The following ACOX3 variants were observed in gnomAD, a reference collection of about 807,000 sequenced individuals.
ACOX3 encodes the protein peroxisomal acyl-coenzyme A oxidase 3.
Under a neutral mutation model 81.5 loss-of-function variants are expected in ACOX3, and 73 were observed. The ratio of observed to expected loss-of-function variants is 0.90; its 90% CI spans 0.74 to 1.09. ACOX3 has a LOEUF of 1.09. Among genes scored for constraint, ACOX3 ranks in the 50% least tolerant of loss-of-function variants. The pLI is 0.00. For missense variants in ACOX3, 947 were observed against 928.0 expected, an observed-to-expected ratio of 1.02 and a Z score of -0.27; for synonymous variants, 387 against 375.1, an observed-to-expected ratio of 1.03 and a Z score of -0.37.
rs1348228211 is a variant in ACOX3 at position 8,436,819 on chromosome 4, T to TA, written c.-15+3828dup. Among the ~76,000 whole-genome samples, 498 of 136,136 alleles carry TA rather than the reference T, an allele frequency of 3.7e-3. 1 individual carries two copies. Among genetic ancestry groups the TA allele is most frequent in the Middle Eastern group, 7.6e-3 (2 of 262 alleles). 89.3% of individuals were successfully genotyped at this position (136,136 alleles called of 152,430 possible). On this transcript the variant is annotated intron_variant, in intron 1 of 17. Coordinates refer to ENST00000356406, the MANE Select transcript of ACOX3 (RefSeq NM_003501.3). ...TAACATGGTGAAACCCTGTCTCTAC[T>TA]AAAAAAAAAAAAACACAAAAAAATT...
chr4:8,399,215 C>T lies in ACOX3; in HGVS notation c.873+341G>A, dbSNP rs541286115. Reference sequence around the variant, plus strand: ...CTGGACACCGGGGAACTCTGTTTGTCGTCCCCCTTTGTGGACAGTTCGCCA... The same window carrying T: ...CTGGACACCGGGGAACTCTGTTTGTTGTCCCCCTTTGTGGACAGTTCGCCA... On this transcript the variant is annotated intron_variant, in intron 8 of 17. Transcript: ENST00000356406. This position sits in a 1 kb window ranked among gnomAD's most constrained non-coding sequence, Gnocchi z 4.9. Among the ~76,000 whole-genome samples the T allele has an allele frequency of 1.3e-3, 197 of 152,274 alleles. No homozygotes were observed. The highest frequency in any genetic ancestry group is 4.5e-3 in the African/African-American group (187 of 41,564).
intron 9 of ACOX3, among the ~76,000 whole-genome samples, chr4:8,395,181 T>G (rs1382273168): frequency 7.2e-6 from 1 of 138,296 alleles, no homozygotes; most frequent in Non-Finnish European, 1.5e-5. Context: ...TGGCAGCCCC[T>G]CGAAAGGCTG....
At chr4:8,367,720 T>C (rs1226202608) in intron 17 of ACOX3, among the ~76,000 whole-genome samples, 1 of 137,270 alleles carries the variant, frequency 7.3e-6, no homozygotes, top group Non-Finnish European at 1.5e-5. Flanking sequence ...CTGTAATCCC[T>C]GCACTCTGGG....
chr4:8,356,643 G>A, the ACOX3 span: 9 of 455,950 alleles, frequency 2.0e-5, no homozygotes, highest in African/African-American at 1.6e-4. Context: ...GGAAGAAAGT[G>A]TGCAGAATGG....
In ACOX3 at chr4:8,389,708, C is replaced by A; in HGVS notation, c.1327G>T (p.Asp443Tyr). The A allele has an allele frequency of 6.2e-7, 1 of 1,614,022 alleles. No homozygotes were observed. Among genetic ancestry groups the A allele is most frequent in the South Asian group, 1.1e-5 (1 of 91,060 alleles). Residue 443 changes from aspartate to tyrosine, a missense_variant, in exon 12 of 18, where the codon GAC (aspartate) becomes TAC (tyrosine). Transcript: ENST00000356406. The surrounding 1 kb of genome is among the most constrained non-coding windows in gnomAD (Gnocchi z 5.3). ...TCGTATGTGCAGTTGGGATCGTTGT[C>A]ATCTCTAAGGACACCCAACCGGTTC... ...AMNRLGVLRD[D>Y]NDPNCTYEGD...
rs1347305910 is a variant in ACOX3, at chr4:8,407,375, G to A, written c.688-1332C>T. On this transcript the variant is annotated intron_variant, in intron 6 of 17. Transcript: ENST00000356406. This position sits in a 1 kb window ranked among gnomAD's most constrained non-coding sequence, Gnocchi z 4.6. ...GCTCGTGTCCTCAGTCTCTTGCCTC[G>A]GCACCTGGGTGGCTTGCCGCCCACA... Among the ~76,000 whole-genome samples the A allele has an allele frequency of 6.6e-6, 1 of 151,896 alleles. No homozygotes were observed. Among genetic ancestry groups the A allele is most frequent in the Non-Finnish European group, 1.5e-5 (1 of 67,974 alleles).
chr4:8,398,960 C>G (rs547422908), intron 8 of ACOX3, among the ~76,000 whole-genome samples: 1 of 152,286 alleles, frequency 6.6e-6, no homozygotes, highest in African/African-American at 2.4e-5. Flanking sequence ...TCCCACTCTG[C>G]GCACCCTGTG....
chr4:8,383,556 G>A (rs1430871575), intron 13 of ACOX3, among the ~76,000 whole-genome samples: 2 of 152,190 alleles, frequency 1.3e-5, no homozygotes, highest in African/African-American at 2.4e-5. Context: ...GAGCCTGGGC[G>A]GGAAAAGCCC....
rs772897612 is a variant in ACOX3 at position 8,381,616 on chromosome 4, T to A, written c.1538-9A>T. 5 of 1,598,034 alleles carry A rather than the reference T, an allele frequency of 3.1e-6. No homozygotes were observed. Among genetic ancestry groups the A allele is most frequent in the African/African-American group, 1.3e-5 (1 of 74,634 alleles). On this transcript the variant is annotated splice_polypyrimidine_tract_variant and intron_variant, in intron 13 of 17. Transcript: ENST00000356406. The surrounding 1 kb of genome is among the most constrained non-coding windows in gnomAD (Gnocchi z 4.3). Reference sequence around the variant, plus strand: ...GTATGCTGCCAGGGCGACTTCGGAATGACAAACAGAAGGAGAAAAAGTAAC... The same window carrying A: ...GTATGCTGCCAGGGCGACTTCGGAAAGACAAACAGAAGGAGAAAAAGTAAC...
intron 7 of ACOX3, among the ~76,000 whole-genome samples, chr4:8,402,006 G>A (rs1720425033): frequency 6.6e-6 from 1 of 152,248 alleles, no homozygotes; most frequent in Non-Finnish European, 1.5e-5. Flanking sequence ...CCTCCATGAG[G>A]GGGCCACCGT....
rs1033154081 is a variant in ACOX3, at chr4:8,407,619, G to A, written c.688-1576C>T. On this transcript the variant is annotated intron_variant, in intron 6 of 17. Transcript: ENST00000356406. This position sits in a 1 kb window ranked among gnomAD's most constrained non-coding sequence, Gnocchi z 4.6. ...CGGGGGCCGGTGCTGCCGGGAGGAC[G>A]TCGGGAATTTCATATTCACGTTTTA... Among the ~76,000 whole-genome samples, 2 of 152,220 alleles carry A rather than the reference G, an allele frequency of 1.3e-5. No individual in the cohort carries two copies. The highest frequency in any genetic ancestry group is 2.1e-4 in the South Asian group (1 of 4,836).
At position 8,368,436 on chromosome 4, in the gene ACOX3, T is replaced by G. The variant is rs1458000295; in HGVS notation, c.1984-1356A>C. On this transcript the variant is annotated intron_variant, in intron 17 of 17. Transcript: ENST00000356406. The surrounding 1 kb of genome is among the most constrained non-coding windows in gnomAD (Gnocchi z 5.9). ...CAGGGCCTGGGGAGGTGGTCTATTG[T>G]GTATCCAGCTTACGCTGACCCATTT... Among the ~76,000 whole-genome samples, 3 of 152,232 alleles carry G rather than the reference T, an allele frequency of 2.0e-5. No homozygotes were observed. In the East Asian group the frequency reaches 5.8e-4, roughly 29 times the overall value.
chr4:8,393,005 C>T (rs935027777), intron 10 of ACOX3: 1 of 152,146 alleles, frequency 6.6e-6, no homozygotes, highest in Non-Finnish European at 1.5e-5. Context: ...TTTATTGAGA[C>T]TCCTTTGCTG....
chr4:8,381,256 G>A lies in ACOX3; in HGVS notation c.1653+236C>T, dbSNP rs181358317. On this transcript the variant is annotated intron_variant, in intron 14 of 17. Coordinates refer to ENST00000356406, the MANE Select transcript of ACOX3 (RefSeq NM_003501.3). This position sits in a 1 kb window ranked among gnomAD's most constrained non-coding sequence, Gnocchi z 4.3. The stretch of plus-strand genomic sequence containing the variant: ...CGCTCTGGTTTACGGGCTGGGAACC[G>A]TCAGGCACGGTAAATGTAACATCCA... 1.7e-3 allele frequency among the ~76,000 whole-genome samples: 260 copies of A among 152,242 alleles called. 1 individual carries two copies. Among genetic ancestry groups the A allele is most frequent in the Middle Eastern group, 3.4e-3 (1 of 294 alleles).
At chr4:8,393,170 G>A (rs1447488876) in intron 10 of ACOX3, 1 of 150,978 alleles carries the variant, frequency 6.6e-6, no homozygotes, top group Non-Finnish European at 1.5e-5. Flanking sequence ...CTTTGCTTCT[G>A]CTTGATATCT....
At position 8,431,177 on chromosome 4, in the gene ACOX3, C is replaced by G. The variant is rs1204118886; in HGVS notation, c.-15+9471G>C. On this transcript the variant is annotated intron_variant, in intron 1 of 17. Transcript: ENST00000356406. The surrounding 1 kb of genome is among the most constrained non-coding windows in gnomAD (Gnocchi z 5.3). ...AGGTCCTCAGGCTCCCCTCCCTTCT[C>G]TGCCTGTCCCTTTTCACCCTCCTCT... 6.6e-6 allele frequency among the ~76,000 whole-genome samples: 1 copy of G among 152,196 alleles called. No homozygotes were observed. The highest frequency in any genetic ancestry group is 2.4e-5 in the African/African-American group (1 of 41,442).
chr4:8,420,637 G>C (rs1722836209), intron 1 of ACOX3, among the ~76,000 whole-genome samples: 1 of 152,154 alleles, frequency 6.6e-6, no homozygotes, highest in African/African-American at 2.4e-5. Context: ...ACGCCCTTTG[G>C]GTACCCCCCC....
At chr4:8,373,437 T>A in intron 16 of ACOX3, 124 bp downstream of exon 16, 1 of 955,636 alleles carries the variant, frequency 1.0e-6, no homozygotes, top group South Asian at 1.5e-5. Flanking sequence ...GCTAAGGGGG[T>A]GCGTGTCAGT....
rs142055526 is a variant in ACOX3, at chr4:8,394,836, G to A, written c.1057-94C>T. 7.1e-4 allele frequency: 1,052 copies of A among 1,483,474 alleles called. 9 individuals are homozygous for A. In the African/African-American group the frequency reaches 0.013, roughly 18 times the overall value. 91.9% of individuals were successfully genotyped at this position (1,483,474 alleles called of 1,614,324 possible). A position where few individuals can be genotyped will look rare whatever the true frequency, so the allele number is the denominator to read the frequency against. ...ATGAAAGCCAGTGCAGGGAGAGGCC[G>A]TCAGGGCCACACACCCACTAGCGCT... On this transcript the variant is annotated intron_variant, in intron 9 of 17. Coordinates refer to ENST00000356406, the MANE Select transcript of ACOX3 (RefSeq NM_003501.3). This position sits in a 1 kb window ranked among gnomAD's most constrained non-coding sequence, Gnocchi z 5.9.
Sources: allele counts gnomAD v4.1 joint callset (sites outside exome capture counted in the v4.1 genomes callset), GRCh38; gene constraint gnomAD v4.1.1; non-coding constraint Gnocchi (gnomAD v3.1); transcripts MANE v1.5; gene names NCBI Gene and HGNC (gene_info 2026-07-23, HGNC 2026-07-21).